The following OLFM1 variants were observed in gnomAD, a reference collection of about 807,000 sequenced individuals.
OLFM1 encodes the protein olfactomedin 1.
Under a neutral mutation model 49.7 loss-of-function variants are expected in OLFM1, and 9 were observed. The observed-to-expected ratio is 0.18, with a 90% confidence interval of 0.11 to 0.32. OLFM1 has a LOEUF of 0.32. Among genes scored for constraint, OLFM1 ranks in the 10% least tolerant of loss-of-function variants. The probability of loss-of-function intolerance (pLI) is 1.00; values close to 1 mark genes in which losing one functional copy is unlikely to be tolerated. For missense variants in OLFM1, 369 were observed against 661.8 expected (o/e 0.56, Z 4.85); for synonymous variants, 240 against 271.8 (o/e 0.88, Z 1.15).
At chr9:135,076,749 TG>T in intron 1 of OLFM1, 1 of 1,473,396 alleles carries the variant, frequency 6.8e-7, no homozygotes. Context: ...GCCAGTACCT[TG>T]GCCCCAAGCC....
At position 135,089,347 on chromosome 9, in the gene OLFM1, G is replaced by A. The variant is rs538585579; in HGVS notation, c.151-848G>A. On this transcript the variant is annotated intron_variant, in intron 1 of 5. Coordinates refer to ENST00000371793, the MANE Select transcript of OLFM1 (RefSeq NM_001282611.2). ...TGACCTGATGCCACCGGAGGGGAGCGTGCTCAGAGACAGTAGGGCCAGCAG... is the reference window on the plus strand; with the variant it reads ...TGACCTGATGCCACCGGAGGGGAGCATGCTCAGAGACAGTAGGGCCAGCAG... Among the ~76,000 whole-genome samples, 4 of 152,352 alleles carry A rather than the reference G, an allele frequency of 2.6e-5. No individual in the cohort carries two copies. In the South Asian group the frequency reaches 6.2e-4, roughly 24 times the overall value.
intron 5 of OLFM1, among the ~76,000 whole-genome samples, chr9:135,108,618 G>A (rs1811566): frequency 6.6e-6 from 1 of 151,444 alleles, no homozygotes; most frequent in East Asian, 1.9e-4. Context: ...GGGTGATAGA[G>A]CGAGGCTCTG....
intron 1 of OLFM1, chr9:135,076,128 C>A (rs1168533204): frequency 1.3e-6 from 2 of 1,548,894 alleles, no homozygotes; most frequent in African/African-American, 1.4e-5. Context: ...CTGCTATTGT[C>A]ATCTGGAGGG....
At chr9:135,108,885 G>A (rs1564278019) in intron 5 of OLFM1, among the ~76,000 whole-genome samples, 1 of 152,058 alleles carries the variant, frequency 6.6e-6, no homozygotes, top group Non-Finnish European at 1.5e-5. Flanking sequence ...GTGCCTGTCT[G>A]CAGCATGCAC....
At chr9:135,084,380 T>C (rs533970452), upstream of OLFM1, among the ~76,000 whole-genome samples, 13 of 149,376 alleles carry the variant, frequency 8.7e-5, no homozygotes, top group Non-Finnish European at 1.8e-4. This position sits in a 1 kb window ranked among gnomAD's most constrained non-coding sequence, Gnocchi z 4.6. Context: ...CTTCTCTCTC[T>C]CCTCTCTGTC....
intron 2 of OLFM1, among the ~76,000 whole-genome samples, chr9:135,092,951 T>G (rs1206977419): frequency 1.3e-5 from 2 of 152,194 alleles, no homozygotes; most frequent in Non-Finnish European, 2.9e-5. Flanking sequence ...CCTCTTTCTC[T>G]TTTCTTCTCT....
Position 135,098,348 on chromosome 9 carries a change from C to T in OLFM1, c.519C>T (p.Ala173=), listed in dbSNP as rs1011554567. The change falls in exon 4 of 6, where the codon GCC becomes GCT. Residue 173 remains alanine, a synonymous_variant. Coordinates refer to ENST00000371793, the MANE Select transcript of OLFM1 (RefSeq NM_001282611.2). The surrounding 1 kb of genome is among the most constrained non-coding windows in gnomAD (Gnocchi z 5.6). ...PLIPVLEEYK[A]DAKLVLQFKE... ...TACCTGTGTTGGAAGAGTACAAGGC[C>T]GATGCCAAATTGGTATTGCAGTTTA... is the stretch of plus-strand genomic sequence containing the variant. 3.1e-6 allele frequency: 5 copies of T among 1,613,844 alleles called. No homozygotes were observed. Among genetic ancestry groups the T allele is most frequent in the African/African-American group, 1.3e-5 (1 of 75,040 alleles).
At position 135,120,495 on chromosome 9, in the gene OLFM1, C is replaced by T. The variant is rs1588227527; in HGVS notation, c.*317C>T. On this transcript the variant is annotated 3_prime_UTR_variant, in exon 6 of 6. Coordinates refer to ENST00000371793, the MANE Select transcript of OLFM1 (RefSeq NM_001282611.2). ...GGCAATGACTGTTGGCCAGTTCTCA[C>T]CGGGGAAAAACCCACTGTTAGGATG... is the stretch of plus-strand genomic sequence containing the variant. 5.7e-6 allele frequency: 2 copies of T among 351,846 alleles called. No homozygotes were observed. Among genetic ancestry groups the T allele is most frequent in the East Asian group, 1.2e-4 (2 of 17,168 alleles). 21.8% of individuals were successfully genotyped at this position (351,846 alleles called of 1,614,324 possible). A position where few individuals can be genotyped will look rare whatever the true frequency, so the allele number is the denominator to read the frequency against.
chr9:135,113,008 A>G lies in OLFM1; in HGVS notation c.783+6153A>G, dbSNP rs993521768. 6.6e-6 allele frequency among the ~76,000 whole-genome samples: 1 copy of G among 152,148 alleles called. No homozygotes were observed. Among genetic ancestry groups the G allele is most frequent in the Non-Finnish European group, 1.5e-5 (1 of 68,010 alleles). On this transcript the variant is annotated intron_variant, in intron 5 of 5. Transcript: ENST00000371793. The surrounding 1 kb of genome is among the most constrained non-coding windows in gnomAD (Gnocchi z 4.0). ...AGCCTTGGGAACCTGGGTGGAAGCA[A>G]GCTGTGTCGGGGTCAGGGCAGGCTT...
At chr9:135,096,865 C>T (rs1830805768) in intron 3 of OLFM1, among the ~76,000 whole-genome samples, 1 of 152,228 alleles carries the variant, frequency 6.6e-6, no homozygotes. Context: ...AAGTGTTCTG[C>T]TTCTCCGGGT....
At position 135,110,932 on chromosome 9, in the gene OLFM1, T is replaced by A. The variant is rs141194622; in HGVS notation, c.783+4077T>A. Among the ~76,000 whole-genome samples, 19 of 152,294 alleles carry A rather than the reference T, an allele frequency of 1.2e-4. No individual in the cohort carries two copies. In the East Asian group the frequency reaches 2.5e-3, roughly 20 times the overall value. ...CTACGCCAAGACCCCTTAAATAGCA[T>A]CCGCTTCCCACTTCCCGGGGGCTGC... On this transcript the variant is annotated intron_variant, in intron 5 of 5. Coordinates refer to ENST00000371793, the MANE Select transcript of OLFM1 (RefSeq NM_001282611.2).
At chr9:135,092,049 A>G (rs369552309) in intron 2 of OLFM1, among the ~76,000 whole-genome samples, 2 of 152,292 alleles carry the variant, frequency 1.3e-5, no homozygotes, top group Admixed American at 1.3e-4. Flanking sequence ...TCTGTGACTC[A>G]GGGCTGGCTC....
At chr9:135,091,533 TCACA>T (rs1309767254) in intron 2 of OLFM1, among the ~76,000 whole-genome samples, 2 of 104,138 alleles carry the variant, frequency 1.9e-5, no homozygotes, top group African/African-American at 7.9e-5. Context: ...AGTCACACAG[TCACA>T]CTCACATAGT....
At chr9:135,101,687 C>T (rs1221953686) in intron 4 of OLFM1, among the ~76,000 whole-genome samples, 1 of 152,224 alleles carries the variant, frequency 6.6e-6, no homozygotes, top group South Asian at 2.1e-4. Flanking sequence ...GGCCTCGTCC[C>T]CTGAGCTGGG....
In OLFM1 at chr9:135,091,644, C is replaced by CACAG. The variant is rs1564270679; in HGVS notation, c.300+1300_300+1301insACAG. ...ACACACACTCACATAGTCACACACA[C>CACAG]TCACATAGTCACACACACACAGTCA... is the stretch of plus-strand genomic sequence containing the variant. On this transcript the variant is annotated intron_variant, in intron 2 of 5. Transcript: ENST00000371793. Among the ~76,000 whole-genome samples the CACAG allele has an allele frequency of 1.3e-3, 157 of 124,200 alleles. 5 individuals are homozygous for CACAG. Among genetic ancestry groups the CACAG allele is most frequent in the African/African-American group, 5.1e-3 (135 of 26,706 alleles). The allele number at this position is 124,200 out of a possible 152,430, so 81.5% of individuals were successfully genotyped here. A position where few individuals can be genotyped will look rare whatever the true frequency, so the allele number is the denominator to read the frequency against.
rs200587989 is a variant in OLFM1, at chr9:135,098,524, G to A, written c.676+19G>A. 25 of 1,601,856 alleles carry A rather than the reference G, an allele frequency of 1.6e-5. No homozygotes were observed. In the Admixed American group the frequency reaches 2.7e-4, roughly 17 times the overall value. On this transcript the variant is annotated intron_variant, in intron 4 of 5. Coordinates refer to ENST00000371793, the MANE Select transcript of OLFM1 (RefSeq NM_001282611.2). This position sits in a 1 kb window ranked among gnomAD's most constrained non-coding sequence, Gnocchi z 5.6. ...AAACTAGGTAGGCCCAGTACCCTGC[G>A]GGACGTGGCGCTGCACTGCCCACCT...
chr9:135,106,877 AG>A, intron 5 of OLFM1, 22 bp downstream of exon 5: 1 of 1,577,850 alleles, frequency 6.3e-7, no homozygotes, highest in South Asian at 1.1e-5. Flanking sequence ...CTTATGTCAT[AG>A]GGGGTCATTT....
At chr9:135,086,796 T>A, upstream of OLFM1, 1 of 442,910 alleles carries the variant, frequency 2.3e-6, no homozygotes, top group Non-Finnish European at 4.5e-6. Flanking sequence ...CCTCTGTGCC[T>A]GGGCGCCATG....
chr9:135,088,279 G>C lies in OLFM1; in HGVS notation c.150+140G>C, dbSNP rs1216546939. 1.4e-5 allele frequency: 11 copies of C among 798,798 alleles called. No individual in the cohort carries two copies. Among genetic ancestry groups the C allele is most frequent in the African/African-American group, 1.1e-4 (6 of 54,950 alleles). 49.5% of individuals were successfully genotyped at this position (798,798 alleles called of 1,614,324 possible). ...AGGCGGCGGGGAGCAGGGCGGGCAA[G>C]GGCAGGCGTCGCGGGCCGGCGCAGC... is the stretch of plus-strand genomic sequence containing the variant. On this transcript the variant is annotated intron_variant, in intron 1 of 5. Transcript: ENST00000371793. The surrounding 1 kb of genome is among the most constrained non-coding windows in gnomAD (Gnocchi z 4.8).
Sources: allele counts gnomAD v4.1 joint callset (sites outside exome capture counted in the v4.1 genomes callset), GRCh38; gene constraint gnomAD v4.1.1; non-coding constraint Gnocchi (gnomAD v3.1); transcripts MANE v1.5; gene names NCBI Gene and HGNC (gene_info 2026-07-23, HGNC 2026-07-21).